TP63: variants seen among roughly 807,000 people sequenced by gnomAD.
TP63 encodes the protein tumor protein 63.
A neutral mutation model predicts 82.8 loss-of-function variants in TP63; 17 were observed. The ratio of observed to expected loss-of-function variants is 0.21; its 90% CI spans 0.14 to 0.31. The LOEUF (loss-of-function observed/expected upper bound fraction) is 0.31, where lower values mean the gene tolerates loss of function less well. Among genes scored for constraint, TP63 ranks in the 10% least tolerant of loss-of-function variants. The pLI is 1.00. For synonymous variants in TP63, 330 were observed against 321.7 expected, an observed-to-expected ratio of 1.03 and a Z score of -0.28; for missense variants, 648 against 895.3, an observed-to-expected ratio of 0.72 and a Z score of 3.52.
In TP63 at chr3:189,780,081, G is replaced by A. The variant is rs116184905; in HGVS notation, c.325-28191G>A. Reference sequence around the variant, plus strand: ...AAGAAATTACAAAAAAAAGCAAGAAGACAGATCCTAGCAAGCACAAGCTAA... The same window carrying A: ...AAGAAATTACAAAAAAAAGCAAGAAAACAGATCCTAGCAAGCACAAGCTAA... On this transcript the variant is annotated intron_variant, in intron 3 of 13. Transcript: ENST00000264731. Among the ~76,000 whole-genome samples, 1,160 of 152,242 alleles carry A rather than the reference G, an allele frequency of 7.6e-3. 16 individuals are homozygous for A. The highest frequency in any genetic ancestry group is 0.027 in the African/African-American group (1,107 of 41,554).
Position 189,891,173 on chromosome 3 carries a change from A to T in TP63, c.1746+291A>T, listed in dbSNP as rs561101667. On this transcript the variant is annotated intron_variant, in intron 13 of 13. Coordinates refer to ENST00000264731, the MANE Select transcript of TP63 (RefSeq NM_003722.5). ...GAGGAGCTATTCCCGCAATCAAAAC[A>T]TTCATAATTTCTAAAGAATTAATAC... Among the ~76,000 whole-genome samples the T allele has an allele frequency of 3.2e-3, 490 of 152,306 alleles. 2 individuals carry two copies. The highest frequency in any genetic ancestry group is 0.017 in the Middle Eastern group (5 of 294).
intron 1 of TP63, among the ~76,000 whole-genome samples, chr3:189,708,445 C>T (rs1411474617): frequency 6.6e-6 from 1 of 152,182 alleles, no homozygotes; most frequent in African/African-American, 2.4e-5. Context: ...GATTGGCATA[C>T]AGCAGTATTT....
At chr3:189,670,927 T>A (rs973893870) in intron 1 of TP63, among the ~76,000 whole-genome samples, 1 of 151,898 alleles carries the variant, frequency 6.6e-6, no homozygotes, top group African/African-American at 2.4e-5. Flanking sequence ...AAATGATAAA[T>A]CTACCAGAAG....
intron 1 of TP63, among the ~76,000 whole-genome samples, chr3:189,691,363 A>T (rs1158383527): frequency 6.6e-6 from 1 of 151,444 alleles, no homozygotes; most frequent in Admixed American, 6.6e-5. Context: ...AAAAAAAAGA[A>T]AAAGAAAAAG....
rs1553825742 is a variant in TP63 at position 189,741,203 on chromosome 3, G to GAAA, written c.324+2441_324+2443dup. Among the ~76,000 whole-genome samples the GAAA allele has an allele frequency of 1.6e-4, 19 of 122,500 alleles. 1 individual carries two copies. In the South Asian group the frequency reaches 3.3e-3, roughly 22 times the overall value. The allele number at this position is 122,500 out of a possible 152,430, so 80.4% of individuals were successfully genotyped here. ...CCTATCTGTGGCTGCTCTGTCTGTG[G>GAAA]AAAAAAAAAAAAAACCCTGAGATAT... On this transcript the variant is annotated intron_variant, in intron 3 of 13. Coordinates refer to ENST00000264731, the MANE Select transcript of TP63 (RefSeq NM_003722.5).
chr3:189,709,645 AAAAAAT>A (rs916780582), intron 1 of TP63, among the ~76,000 whole-genome samples: 1 of 152,052 alleles, frequency 6.6e-6, no homozygotes, highest in Admixed American at 6.6e-5. Context: ...ACTCCGTCTC[AAAAAAT>A]AATAATAATA....
chr3:189,673,452 A>C (rs1715108146), intron 1 of TP63, among the ~76,000 whole-genome samples: 1 of 152,166 alleles, frequency 6.6e-6, no homozygotes, highest in South Asian at 2.1e-4. Flanking sequence ...AAATATATAA[A>C]GTAAACAAAA....
At chr3:189,644,604 T>G (rs1187914974) in intron 1 of TP63, among the ~76,000 whole-genome samples, 1 of 152,152 alleles carries the variant, frequency 6.6e-6, no homozygotes, top group East Asian at 1.9e-4. Context: ...TGCTGATTTC[T>G]GGGATTCTGG....
intron 1 of TP63, among the ~76,000 whole-genome samples, chr3:189,658,902 C>A (rs377051394): frequency 1.9e-4 from 29 of 151,776 alleles, no homozygotes; most frequent in Non-Finnish European, 3.8e-4. Flanking sequence ...AATAATGTAT[C>A]GGTATTGGTT....
the TP63 span, among the ~76,000 whole-genome samples, chr3:189,605,916 G>T: frequency 1.4e-4 from 21 of 152,054 alleles, no homozygotes; most frequent in African/African-American, 5.1e-4. Context: ...AGTTTCAAAG[G>T]GCAGAAAGAA....
At chr3:189,809,371 C>T (rs983741774) in intron 4 of TP63, among the ~76,000 whole-genome samples, 2 of 151,970 alleles carry the variant, frequency 1.3e-5, no homozygotes, top group Admixed American at 6.6e-5. Flanking sequence ...ATAACTAGAT[C>T]CAAGAATATT....
At chr3:189,720,047 A>G (rs1370079634) in intron 1 of TP63, among the ~76,000 whole-genome samples, 2 of 152,144 alleles carry the variant, frequency 1.3e-5, no homozygotes, top group African/African-American at 2.4e-5. Flanking sequence ...ACAAGCTACA[A>G]TCTATTCATT....
intron 1 of TP63, among the ~76,000 whole-genome samples, chr3:189,728,752 G>A (rs758972545): frequency 6.6e-6 from 1 of 152,132 alleles, no homozygotes; most frequent in Non-Finnish European, 1.5e-5. Context: ...TGGAAGCAGG[G>A]AAATGCCAGA....
intron 1 of TP63, among the ~76,000 whole-genome samples, chr3:189,725,988 G>T (rs761622931): frequency 7.3e-5 from 11 of 151,194 alleles, no homozygotes; most frequent in Non-Finnish European, 1.5e-4. Flanking sequence ...CCAAGAGCCG[G>T]AGGTTGCAGT....
intron 3 of TP63, among the ~76,000 whole-genome samples, chr3:189,787,541 C>T (rs1554130): frequency 0.12 from 18,723 of 151,988 alleles, 1,238 homozygotes; most frequent in East Asian, 0.32. Flanking sequence ...AGACAGAGAC[C>T]GTATTTGGAT....
chr3:189,746,370 G>C (rs758029586), intron 3 of TP63, among the ~76,000 whole-genome samples: 1 of 151,608 alleles, frequency 6.6e-6, no homozygotes, highest in Non-Finnish European at 1.5e-5. Flanking sequence ...CCAAAGGTGA[G>C]AGAATTTATT....
the TP63 span, among the ~76,000 whole-genome samples, chr3:189,605,008 G>T: frequency 6.6e-6 from 1 of 152,076 alleles, no homozygotes; most frequent in Non-Finnish European, 1.5e-5. Flanking sequence ...CAAGGTTCTG[G>T]TGTTGTATTC....
intron 3 of TP63, among the ~76,000 whole-genome samples, chr3:189,745,462 AC>A (rs1268601524): frequency 6.6e-6 from 1 of 152,052 alleles, no homozygotes; most frequent in African/African-American, 2.4e-5. Flanking sequence ...TAATCCCAGA[AC>A]TTCGGGAGGC....
At chr3:189,884,560 C>T (rs1221715197) in intron 10 of TP63, among the ~76,000 whole-genome samples, 1 of 152,168 alleles carries the variant, frequency 6.6e-6, no homozygotes, top group Non-Finnish European at 1.5e-5. Context: ...CCATGACCTG[C>T]TCCACAAGGA....
Sources: allele counts gnomAD v4.1 joint callset (sites outside exome capture counted in the v4.1 genomes callset), GRCh38; gene constraint gnomAD v4.1.1; transcripts MANE v1.5; gene names NCBI Gene and HGNC (gene_info 2026-07-23, HGNC 2026-07-21).